The following SLC49A4 variants were observed in gnomAD, a reference collection of about 807,000 sequenced individuals.
SLC49A4 encodes disrupted in renal cancer protein 2.
A neutral mutation model predicts 50.6 loss-of-function variants in SLC49A4; 36 were observed. The observed-to-expected ratio is 0.71, with a 90% CI of 0.55 to 0.94. The LOEUF is 0.94. Ranked by LOEUF, SLC49A4 falls within the 40% of genes least tolerant of loss-of-function variation. SLC49A4 has a pLI of 0.00. For synonymous variants in SLC49A4, 248 were observed against 241.2 expected (o/e 1.03, Z -0.26); for missense variants, 503 against 605.7 (o/e 0.83, Z 1.78).
At chr3:122,827,642 C>T (rs547294726) in intron 3 of SLC49A4, among the ~76,000 whole-genome samples, 2 of 152,294 alleles carry the variant, frequency 1.3e-5, no homozygotes, top group East Asian at 1.9e-4. Context: ...TAGTCTCCTA[C>T]GGATTTTCAT....
intron 1 of SLC49A4, among the ~76,000 whole-genome samples, chr3:122,804,655 T>C (rs891802544): frequency 1.3e-5 from 2 of 152,208 alleles, no homozygotes; most frequent in Non-Finnish European, 2.9e-5. Context: ...ATTTTTCATT[T>C]TTGTATTTTT....
intron 4 of SLC49A4, among the ~76,000 whole-genome samples, chr3:122,845,415 T>C (rs1259017303): frequency 6.6e-6 from 1 of 152,186 alleles, no homozygotes; most frequent in Non-Finnish European, 1.5e-5. Flanking sequence ...TGAATAGTGC[T>C]GCAGTGAATA....
intron 2 of SLC49A4, among the ~76,000 whole-genome samples, chr3:122,821,891 T>G (rs117059168): frequency 6.6e-6 from 1 of 152,354 alleles, no homozygotes; most frequent in East Asian, 1.9e-4. Context: ...TTACTGAATT[T>G]AAACTTGTTA....
chr3:122,852,504 T>G (rs577529121), intron 5 of SLC49A4, among the ~76,000 whole-genome samples: 1 of 152,374 alleles, frequency 6.6e-6, no homozygotes, highest in South Asian at 2.1e-4. Flanking sequence ...ACATAGTACA[T>G]GAAAAACTGT....
At chr3:122,831,813 A>G (rs1936611956) in intron 3 of SLC49A4, among the ~76,000 whole-genome samples, 1 of 152,158 alleles carries the variant, frequency 6.6e-6, no homozygotes, top group Non-Finnish European at 1.5e-5. Context: ...AAGAATATGA[A>G]TAAGGCAATC....
chr3:122,877,376 C>T (rs1937278970), intron 8 of SLC49A4, among the ~76,000 whole-genome samples: 1 of 152,172 alleles, frequency 6.6e-6, no homozygotes, highest in African/African-American at 2.4e-5. Context: ...AAAAACCAGT[C>T]AACAAACCAT....
In SLC49A4 at chr3:122,809,242, C is replaced by A. The variant is rs78670127; in HGVS notation, c.437+2292C>A. Among the ~76,000 whole-genome samples the A allele has an allele frequency of 4.5e-4, 68 of 152,278 alleles. No homozygotes were observed. In the East Asian group the frequency reaches 0.012, roughly 27 times the overall value. On this transcript the variant is annotated intron_variant, in intron 2 of 8. Coordinates refer to ENST00000261038, the MANE Select transcript of SLC49A4 (RefSeq NM_032839.3). ...TTGAAAAGGGAGATAAGACAATCAT[C>A]TAGGTTCCTATGGAAAGCTAGTCAT...
chr3:122,843,813 G>A (rs1258343676), intron 4 of SLC49A4, among the ~76,000 whole-genome samples: 3 of 152,132 alleles, frequency 2.0e-5, no homozygotes, highest in Non-Finnish European at 2.9e-5. Flanking sequence ...TTACAAGACC[G>A]CTTCGTAAGT....
At chr3:122,802,031 C>T (rs1936141296) in intron 1 of SLC49A4, among the ~76,000 whole-genome samples, 1 of 151,908 alleles carries the variant, frequency 6.6e-6, no homozygotes, top group African/African-American at 2.4e-5. Context: ...AAATAAATTT[C>T]ATGAGCCAGG....
intron 1 of SLC49A4, among the ~76,000 whole-genome samples, chr3:122,797,998 A>C (rs1455505374): frequency 6.6e-6 from 1 of 152,168 alleles, no homozygotes; most frequent in Non-Finnish European, 1.5e-5. Context: ...ACAAACAAAC[A>C]AACCCAAAGT....
intron 2 of SLC49A4, among the ~76,000 whole-genome samples, chr3:122,816,263 T>C (rs1185985041): frequency 2.6e-5 from 4 of 152,200 alleles, no homozygotes; most frequent in Admixed American, 6.5e-5. Flanking sequence ...ATTAAATTTA[T>C]ATTGCAGGCC....
intron 2 of SLC49A4, among the ~76,000 whole-genome samples, chr3:122,822,666 G>C (rs952981449): frequency 2.0e-5 from 3 of 152,130 alleles, no homozygotes; most frequent in African/African-American, 7.2e-5. Context: ...CTCTTTAGTT[G>C]CCGTGATACC....
chr3:122,824,028 A>C (rs1016609591), intron 2 of SLC49A4, among the ~76,000 whole-genome samples: 16 of 152,210 alleles, frequency 1.1e-4, no homozygotes, highest in Non-Finnish European at 2.9e-5. Flanking sequence ...GGAAAACTAC[A>C]AAGTGCTGGG....
intron 4 of SLC49A4, among the ~76,000 whole-genome samples, chr3:122,837,678 A>C (rs2079294221): frequency 6.6e-6 from 1 of 152,214 alleles, no homozygotes; most frequent in Non-Finnish European, 1.5e-5. Flanking sequence ...GAAACACCAA[A>C]AGCAATGGCA....
At chr3:122,815,652 C>T (rs553588103) in intron 2 of SLC49A4, among the ~76,000 whole-genome samples, 136 of 152,342 alleles carry the variant, frequency 8.9e-4, no homozygotes, top group Non-Finnish European at 1.6e-3. Context: ...AACTCAAAGT[C>T]CTGTCCAATT....
chr3:122,839,446 C>G (rs1291479330), intron 4 of SLC49A4, among the ~76,000 whole-genome samples: 1 of 151,922 alleles, frequency 6.6e-6, no homozygotes, highest in East Asian at 1.9e-4. Flanking sequence ...TCAGAGTAAA[C>G]AAACAGCCCA....
At chr3:122,810,665 C>T (rs1183866620) in intron 2 of SLC49A4, among the ~76,000 whole-genome samples, 1 of 152,226 alleles carries the variant, frequency 6.6e-6, no homozygotes, top group Non-Finnish European at 1.5e-5. Context: ...ACACATGCCA[C>T]ATTATCTTTT....
chr3:122,849,337 A>G (rs1936895369), intron 5 of SLC49A4, among the ~76,000 whole-genome samples: 1 of 152,176 alleles, frequency 6.6e-6, no homozygotes, highest in East Asian at 1.9e-4. Context: ...TATTGGGTAT[A>G]TACCCAGAAA....
intron 3 of SLC49A4, among the ~76,000 whole-genome samples, chr3:122,828,615 A>G (rs1355456449): frequency 2.6e-5 from 4 of 152,208 alleles, no homozygotes; most frequent in Non-Finnish European, 1.5e-5. Context: ...CATTGTAGGC[A>G]AAGGCCACAC....
Sources: gnomAD v4.1 joint callset for allele counts (sites outside exome capture counted in the v4.1 genomes callset) on GRCh38, gnomAD v4.1.1 for gene constraint, MANE v1.5 for transcripts, NCBI Gene and HGNC (gene_info 2026-07-23, HGNC 2026-07-21) for gene names.